Variants in SLC4A4 observed in about 807,000 individuals in gnomAD.
SLC4A4 encodes solute carrier family 4 member 4, also known as electrogenic sodium bicarbonate cotransporter 1.
In SLC4A4, 27 loss-of-function variants were observed where a neutral mutation model predicts 111.5. That is an observed-to-expected ratio of 0.24 (90% CI 0.18 to 0.33). The LOEUF (loss-of-function observed/expected upper bound fraction) is 0.33. Among genes scored for constraint, SLC4A4 ranks in the 10% least tolerant of loss-of-function variants. The pLI, the probability that SLC4A4 is intolerant of heterozygous loss-of-function variation, is 1.00. For missense variants in SLC4A4, 909 were observed against 1,315.5 expected (o/e 0.69, Z 4.78); for synonymous variants, 443 against 463.4 (o/e 0.96, Z 0.57).
chr4:71,548,250 A>G (rs1735698743), intron 20 of SLC4A4, among the ~76,000 whole-genome samples: 1 of 151,876 alleles, frequency 6.6e-6, no homozygotes, highest in South Asian at 2.1e-4. Context: ...ACAAAGGTAA[A>G]TTAGAGTAAA....
At chr4:71,280,015 A>G (rs1723385598) in intron 3 of SLC4A4, among the ~76,000 whole-genome samples, 2 of 151,368 alleles carry the variant, frequency 1.3e-5, no homozygotes, top group South Asian at 2.1e-4. Context: ...GGCTGTCTTG[A>G]ACCCCTCACC....
chr4:71,321,018 T>G (rs1419157724), intron 3 of SLC4A4, among the ~76,000 whole-genome samples: 1 of 152,052 alleles, frequency 6.6e-6, no homozygotes. Flanking sequence ...GTTGTAGAGA[T>G]AGAATATAGT....
chr4:71,134,738 T>C (rs886552904), intron 2 of SLC4A4, among the ~76,000 whole-genome samples: 1 of 152,214 alleles, frequency 6.6e-6, no homozygotes, highest in Non-Finnish European at 1.5e-5. Context: ...TTTCTAATTA[T>C]CTGGTCTTTT....
At chr4:71,255,112 G>A (rs1181398239) in intron 2 of SLC4A4, 108 bp from the exon 3 acceptor site, 2 of 1,075,470 alleles carry the variant, frequency 1.9e-6, no homozygotes, top group Non-Finnish European at 2.9e-6. Flanking sequence ...ATATAGAATG[G>A]TAACGTTGAA....
chr4:71,420,363 G>C (rs930964977), intron 7 of SLC4A4, among the ~76,000 whole-genome samples: 1 of 152,192 alleles, frequency 6.6e-6, no homozygotes, highest in Non-Finnish European at 1.5e-5. Context: ...TCTCTGATTG[G>C]TGTACCTGAA....
rs1386147873 is a variant in SLC4A4 at position 71,179,729 on chromosome 4, A to C, written c.-1-56847A>C. Reference sequence around the variant, plus strand: ...ATACAAACAAATGGAAGAACATTCCATGCTCGTGGGTAGGAAGAATCAATA... The same window carrying C: ...ATACAAACAAATGGAAGAACATTCCCTGCTCGTGGGTAGGAAGAATCAATA... On this transcript the variant is annotated intron_variant, in intron 2 of 26. Coordinates refer to the SLC4A4 transcript ENST00000649996. Among the ~76,000 whole-genome samples the C allele has an allele frequency of 3.3e-5, 5 of 152,222 alleles. 1 individual carries two copies. Among genetic ancestry groups the C allele is most frequent in the Admixed American group, 2.0e-4 (3 of 15,282 alleles).
At chr4:71,170,842 TA>T (rs1267910089) in intron 2 of SLC4A4, among the ~76,000 whole-genome samples, 3 of 152,300 alleles carry the variant, frequency 2.0e-5, no homozygotes, top group East Asian at 3.9e-4. Flanking sequence ...GAATATTGAT[TA>T]GGCCAACATT....
chr4:71,388,941 G>C (rs954277379), intron 6 of SLC4A4, among the ~76,000 whole-genome samples: 2 of 152,126 alleles, frequency 1.3e-5, no homozygotes, highest in Non-Finnish European at 2.9e-5. Context: ...TTTTGCTTTT[G>C]CTGGTTGAAA....
At chr4:71,502,447 G>A (rs1030351808) in intron 16 of SLC4A4, among the ~76,000 whole-genome samples, 1 of 151,802 alleles carries the variant, frequency 6.6e-6, no homozygotes, top group African/African-American at 2.4e-5. Context: ...ATCTTCTTTC[G>A]ATGTAGTCAT....
intron 1 of SLC4A4, among the ~76,000 whole-genome samples, chr4:71,198,577 A>C (rs995961755): frequency 1.3e-5 from 2 of 148,498 alleles, no homozygotes; most frequent in African/African-American, 5.0e-5. Flanking sequence ...TGAACAATGA[A>C]GTGTAAAGTC....
intron 2 of SLC4A4, among the ~76,000 whole-genome samples, chr4:71,107,683 C>G (rs1260897518): frequency 7.0e-6 from 1 of 142,406 alleles, no homozygotes; most frequent in Non-Finnish European, 1.5e-5. Context: ...CATTTTAATC[C>G]TTTCTCATTT....
At chr4:71,558,035 C>A (rs965817219) in intron 22 of SLC4A4, 150 bp downstream of exon 22, 62 of 692,388 alleles carry the variant, frequency 9.0e-5, no homozygotes, top group South Asian at 3.5e-4. Context: ...TTTACATTTC[C>A]CATGTTTATG....
rs545983450 is a variant in SLC4A4 at position 71,236,419 on chromosome 4, G to T, written c.-1-157G>T. On this transcript the variant is annotated intron_variant, in intron 1 of 25. Transcript: ENST00000264485. Reference sequence around the variant, plus strand: ...TATTCTCGAGCACCAGATGAGAGGAGCTGCGTGAAGCAGTAGCAGACACCA... The same window carrying T: ...TATTCTCGAGCACCAGATGAGAGGATCTGCGTGAAGCAGTAGCAGACACCA... The T allele has an allele frequency of 3.9e-6, 3 of 767,022 alleles. No individual in the cohort carries two copies. The African/African-American group carries it at 5.2e-5, about 13-fold the overall frequency. 47.5% of individuals were successfully genotyped at this position (767,022 alleles called of 1,614,324 possible).
chr4:71,134,224 AT>A (rs1385903319), intron 2 of SLC4A4, among the ~76,000 whole-genome samples: 3 of 152,266 alleles, frequency 2.0e-5, no homozygotes, highest in African/African-American at 7.2e-5. Context: ...GGCTTCAAGA[AT>A]ATTTAAAGCT....
At chr4:71,186,093 A>G (rs956130645), upstream of SLC4A4, among the ~76,000 whole-genome samples, 2 of 152,194 alleles carry the variant, frequency 1.3e-5, no homozygotes, top group Non-Finnish European at 2.9e-5. Context: ...TTATGATTCA[A>G]TAGTTTACCA....
intron 3 of SLC4A4, among the ~76,000 whole-genome samples, chr4:71,270,385 C>A (rs376256776): frequency 2.0e-5 from 3 of 152,146 alleles, no homozygotes; most frequent in African/African-American, 4.8e-5. Flanking sequence ...CCACCGTGCC[C>A]GGCAGAACCT....
At position 71,283,178 on chromosome 4, in the gene SLC4A4, G is replaced by C. The variant is rs76542803; in HGVS notation, c.253+27779G>C. Among the ~76,000 whole-genome samples, 10 of 152,212 alleles carry C rather than the reference G, an allele frequency of 6.6e-5. No homozygotes were observed. The East Asian group carries it at 1.9e-3, about 29-fold the overall frequency. On this transcript the variant is annotated intron_variant, in intron 3 of 25. Coordinates refer to ENST00000264485, the MANE Select transcript of SLC4A4 (RefSeq NM_001098484.3). ...TTCTGCTGATTTGTTTTATATTTTG[G>C]AACATCATTGAAACCTTCATTCCGC...
intron 7 of SLC4A4, among the ~76,000 whole-genome samples, chr4:71,406,132 A>G (rs1720828427): frequency 6.6e-6 from 1 of 152,132 alleles, no homozygotes; most frequent in Non-Finnish European, 1.5e-5. Context: ...AATATTATTC[A>G]ACACATTTGC....
At chr4:71,087,054 A>C (rs1742200025) in intron 1 of SLC4A4, among the ~76,000 whole-genome samples, 2 of 152,090 alleles carry the variant, frequency 1.3e-5, no homozygotes, top group East Asian at 3.9e-4. Flanking sequence ...TTTGGTTGGT[A>C]AGCTATTAAT....
Sources: gnomAD v4.1 joint callset for allele counts (sites outside exome capture counted in the v4.1 genomes callset) on GRCh38, gnomAD v4.1.1 for gene constraint, MANE v1.5 for transcripts, NCBI Gene and HGNC (gene_info 2026-07-23, HGNC 2026-07-21) for gene names.